Variants in PELI2 observed in about 807,000 individuals in gnomAD.
PELI2 encodes E3 ubiquitin-protein ligase pellino homolog 2.
A neutral mutation model predicts 42.3 loss-of-function variants in PELI2; 23 were observed. That is an observed-to-expected ratio of 0.54 (90% CI 0.39 to 0.77). PELI2 has a LOEUF of 0.77. PELI2 is among the 30% of genes least tolerant of loss of function. The pLI is 0.00. For synonymous variants in PELI2, 245 were observed against 212.2 expected (o/e 1.15, Z -1.34); for missense variants, 463 against 553.2 (o/e 0.84, Z 1.64).
intron 2 of PELI2, among the ~76,000 whole-genome samples, chr14:56,208,257 G>T (rs1886587273): frequency 6.6e-6 from 1 of 152,160 alleles, no homozygotes; most frequent in Non-Finnish European, 1.5e-5. Flanking sequence ...AGTGCCCAGG[G>T]TGGCAGTCTA....
intron 1 of PELI2, among the ~76,000 whole-genome samples, chr14:56,133,887 G>A (rs1021119772): frequency 7.9e-5 from 12 of 152,298 alleles, no homozygotes; most frequent in East Asian, 1.9e-4. Context: ...ACTACATGGA[G>A]GGTCAGAATG....
In PELI2 at chr14:56,240,529, G is replaced by C. The variant is rs10129459; in HGVS notation, c.208-39147G>C. ...ATATTTTAGATGGTTGGTCAGTGAG[G>C]GGGTAACGAAATGGAGACAGTACAG... On this transcript the variant is annotated intron_variant, in intron 2 of 5. Transcript: ENST00000267460. Among the ~76,000 whole-genome samples, 503 of 152,246 alleles carry C rather than the reference G, an allele frequency of 3.3e-3. 8 individuals carry two copies. The highest frequency in any genetic ancestry group is 0.012 in the African/African-American group (484 of 41,542).
rs1215984705 is a variant in PELI2 at position 56,197,257 on chromosome 14, GGGACACA to G, written c.207+18794_207+18800del. On this transcript the variant is annotated intron_variant, in intron 2 of 5. Coordinates refer to ENST00000267460, the MANE Select transcript of PELI2 (RefSeq NM_021255.3). The surrounding 1 kb of genome is among the most constrained non-coding windows in gnomAD (Gnocchi z 4.9). ...ACAGTGGAGAATACTGTGAGGGCCA[GGGACACA>G]TATTTAAGTTTTGATGAGTTATGAA... is the stretch of plus-strand genomic sequence containing the variant. 2.6e-5 allele frequency among the ~76,000 whole-genome samples: 4 copies of G among 152,150 alleles called. No homozygotes were observed. In the East Asian group the frequency reaches 7.7e-4, roughly 29 times the overall value.
intron 1 of PELI2, among the ~76,000 whole-genome samples, chr14:56,136,064 A>G (rs544637470): frequency 6.6e-6 from 1 of 152,352 alleles, no homozygotes; most frequent in Non-Finnish European, 1.5e-5. Context: ...CTGGGACCCA[A>G]CAGAATTCTC....
intron 2 of PELI2, among the ~76,000 whole-genome samples, chr14:56,267,921 T>G (rs1382166409): frequency 1.3e-5 from 2 of 152,208 alleles, no homozygotes; most frequent in African/African-American, 4.8e-5. Context: ...AGGGATCATT[T>G]TGACAGCTGA....
chr14:56,198,839 G>T (rs1315111366), intron 2 of PELI2, among the ~76,000 whole-genome samples: 2 of 152,170 alleles, frequency 1.3e-5, no homozygotes, highest in Non-Finnish European at 2.9e-5. Context: ...CTATTCATTG[G>T]TCAATTTTGG....
chr14:56,280,976 TTAA>T (rs1889464960), intron 3 of PELI2, among the ~76,000 whole-genome samples: 1 of 152,080 alleles, frequency 6.6e-6, no homozygotes, highest in African/African-American at 2.4e-5. Flanking sequence ...ACCAAATGAA[TTAA>T]TAATAAAATA....
intron 5 of PELI2, among the ~76,000 whole-genome samples, chr14:56,290,982 C>G (rs969165407): frequency 3.9e-5 from 6 of 152,226 alleles, no homozygotes; most frequent in Non-Finnish European, 1.5e-5. Context: ...GATTTATATA[C>G]TGCATTGACC....
rs1220396014 is a variant in PELI2, at chr14:56,218,306, A to G, written c.207+39842A>G. Among the ~76,000 whole-genome samples, 2 of 152,234 alleles carry G rather than the reference A, an allele frequency of 1.3e-5. 1 individual carries two copies. The highest frequency in any genetic ancestry group is 6.3e-3 in the Middle Eastern group (2 of 316). ...ATTTTTTTTGTCTGTTCTGATGTTC[A>G]ATTAAGCAGACTAGTCTAGTGTTCA... On this transcript the variant is annotated intron_variant, in intron 2 of 5. Coordinates refer to ENST00000267460, the MANE Select transcript of PELI2 (RefSeq NM_021255.3).
intron 2 of PELI2, among the ~76,000 whole-genome samples, chr14:56,243,083 A>G (rs1566660369): frequency 1.3e-5 from 2 of 152,166 alleles, no homozygotes; most frequent in Non-Finnish European, 2.9e-5. Context: ...TGATTTCCAG[A>G]TATTTGCGAG....
intron 1 of PELI2, among the ~76,000 whole-genome samples, chr14:56,127,477 G>A (rs952374609): frequency 6.6e-6 from 1 of 152,212 alleles, no homozygotes; most frequent in Non-Finnish European, 1.5e-5. Context: ...CAGTAAGAAG[G>A]TAGTACAGTT....
chr14:56,190,077 G>A (rs1006412883), intron 2 of PELI2, among the ~76,000 whole-genome samples: 6 of 152,008 alleles, frequency 3.9e-5, no homozygotes, highest in African/African-American at 1.4e-4. Context: ...TCGAATTAGA[G>A]TTGGACCTCT....
chr14:56,292,660 T>A (rs1889870342), intron 5 of PELI2: 1 of 333,026 alleles, frequency 3.0e-6, no homozygotes. Flanking sequence ...GCATTTGATA[T>A]GAATCAATAT....
chr14:56,142,451 T>C (rs1189000150), intron 1 of PELI2, among the ~76,000 whole-genome samples: 2 of 152,196 alleles, frequency 1.3e-5, no homozygotes, highest in African/African-American at 4.8e-5. Context: ...GACAACATAG[T>C]AGTATCCCTA....
chr14:56,220,966 A>G (rs774434969), intron 2 of PELI2, among the ~76,000 whole-genome samples: 1 of 152,156 alleles, frequency 6.6e-6, no homozygotes, highest in African/African-American at 2.4e-5. Flanking sequence ...TGTGAAGGAG[A>G]GGAGGCACAT....
intron 2 of PELI2, among the ~76,000 whole-genome samples, chr14:56,279,387 G>T (rs1348295556): frequency 6.6e-6 from 1 of 152,140 alleles, no homozygotes; most frequent in Non-Finnish European, 1.5e-5. Flanking sequence ...GAAAGTGTGT[G>T]TTTTTCTAAG....
At chr14:56,223,112 A>G (rs1887210237) in intron 2 of PELI2, among the ~76,000 whole-genome samples, 1 of 151,970 alleles carries the variant, frequency 6.6e-6, no homozygotes, top group Non-Finnish European at 1.5e-5. Context: ...GCCTCCGTCC[A>G]CCTCTACAGC....
intron 2 of PELI2, among the ~76,000 whole-genome samples, chr14:56,210,217 CGGA>C (rs1431864010): frequency 6.6e-6 from 1 of 151,438 alleles, no homozygotes; most frequent in African/African-American, 2.4e-5. Flanking sequence ...GAGAGGGGTG[CGGA>C]GGAGGAAGAA....
chr14:56,158,014 G>A (rs1260471243), intron 1 of PELI2, among the ~76,000 whole-genome samples: 2 of 152,076 alleles, frequency 1.3e-5, no homozygotes, highest in East Asian at 3.8e-4. Flanking sequence ...TCATTTATAG[G>A]TAGCCTTTGA....
Sources: gnomAD v4.1 joint callset for allele counts (sites outside exome capture counted in the v4.1 genomes callset) on GRCh38, gnomAD v4.1.1 for gene constraint, Gnocchi (gnomAD v3.1) non-coding constraint, MANE v1.5 for transcripts, NCBI Gene and HGNC (gene_info 2026-07-23, HGNC 2026-07-21) for gene names.